The following ZBTB46 variants were observed in gnomAD, a reference collection of about 807,000 sequenced individuals.
ZBTB46 encodes the protein zinc finger and BTB domain containing 46.
ZBTB46 carries 8 observed loss-of-function variants against 44.1 expected under a neutral mutation model. That is an observed-to-expected ratio of 0.18 (90% CI 0.11 to 0.33). The LOEUF (loss-of-function observed/expected upper bound fraction) is 0.33. ZBTB46 is among the 10% of genes least tolerant of loss of function. The probability of loss-of-function intolerance (pLI) is 1.00; values close to 1 mark genes in which losing one functional copy is unlikely to be tolerated. For missense variants in ZBTB46, 651 were observed against 847.7 expected (o/e 0.77, Z 2.88); for synonymous variants, 409 against 382.3 (o/e 1.07, Z -0.81).
intron 3 of ZBTB46, among the ~76,000 whole-genome samples, chr20:63,771,836 G>A (rs1379138267): frequency 6.6e-6 from 1 of 152,124 alleles, no homozygotes; most frequent in Non-Finnish European, 1.5e-5. Flanking sequence ...AACAGGCAGG[G>A]GCCACACAGG....
intron 1 of ZBTB46, among the ~76,000 whole-genome samples, chr20:63,800,595 C>T (rs567837515): frequency 6.6e-5 from 10 of 152,352 alleles, no homozygotes; most frequent in Non-Finnish European, 1.0e-4. Context: ...GGGCTGCGTG[C>T]GGCGCTTGCG....
At chr20:63,756,990 C>G (rs1028273279) in intron 3 of ZBTB46, among the ~76,000 whole-genome samples, 1 of 152,200 alleles carries the variant, frequency 6.6e-6, no homozygotes, top group South Asian at 2.1e-4. Flanking sequence ...TTGGGCATGC[C>G]CTGGCGGGGA....
intron 4 of ZBTB46, among the ~76,000 whole-genome samples, chr20:63,750,167 C>T (rs922761765): frequency 3.3e-5 from 5 of 152,346 alleles, no homozygotes; most frequent in African/African-American, 1.2e-4. Context: ...CGGGTCTCCA[C>T]GCTCTCAGGT....
At position 63,746,874 on chromosome 20, in the gene ZBTB46, GAC is replaced by G; in HGVS notation, c.*54_*55del. 1.1e-5 allele frequency: 16 copies of G among 1,445,936 alleles called. No homozygotes were observed. Among genetic ancestry groups the G allele is most frequent in the South Asian group, 4.3e-5 (3 of 69,062 alleles). 89.6% of individuals were successfully genotyped at this position (1,445,936 alleles called of 1,614,324 possible). A position where few individuals can be genotyped will look rare whatever the true frequency, so the allele number is the denominator to read the frequency against. The stretch of plus-strand genomic sequence containing the variant: ...CTGGCCCCGCAGTGGAGACCCACCG[GAC>G]ACACACACGGGTGGACGGAGCGAGG... On this transcript the variant is annotated 3_prime_UTR_variant, in exon 5 of 5. Transcript: ENST00000245663.
At chr20:63,800,941 C>T (rs1601500467) in intron 1 of ZBTB46, among the ~76,000 whole-genome samples, 1 of 152,266 alleles carries the variant, frequency 6.6e-6, no homozygotes, top group Non-Finnish European at 1.5e-5. Flanking sequence ...GACTGGCAGG[C>T]AGCTCCACCT....
At chr20:63,764,182 A>T (rs2092299708) in intron 3 of ZBTB46, among the ~76,000 whole-genome samples, 1 of 152,128 alleles carries the variant, frequency 6.6e-6, no homozygotes, top group Non-Finnish European at 1.5e-5. Context: ...CATGCCTGTG[A>T]TCCCAGCACT....
At chr20:63,793,313 T>C (rs1053819076) in intron 1 of ZBTB46, among the ~76,000 whole-genome samples, 1 of 143,444 alleles carries the variant, frequency 7.0e-6, no homozygotes, top group Non-Finnish European at 1.6e-5. Flanking sequence ...CGCCCAGTGG[T>C]TCTTGACCGG....
chr20:63,747,447 C>CAGG (rs2092109352), intron 4 of ZBTB46, 146 bp from the exon 5 acceptor site: 1 of 57,782 alleles, frequency 1.7e-5, no homozygotes, highest in Admixed American at 2.1e-4. Flanking sequence ...TGAGCAGGGC[C>CAGG]TGGTGGAGGT....
intron 3 of ZBTB46, among the ~76,000 whole-genome samples, chr20:63,773,497 C>T (rs1297231984): frequency 6.6e-6 from 1 of 152,124 alleles, no homozygotes; most frequent in Non-Finnish European, 1.5e-5. Context: ...TGCAAAGGAA[C>T]TGGGTGTGTT....
At chr20:63,748,879 A>G (rs954340121) in intron 4 of ZBTB46, among the ~76,000 whole-genome samples, 3 of 152,240 alleles carry the variant, frequency 2.0e-5, no homozygotes, top group Non-Finnish European at 4.4e-5. Context: ...AATGTGTGTC[A>G]TGGCGGAAGA....
At chr20:63,818,164 C>A (rs1156378635) in intron 1 of ZBTB46, among the ~76,000 whole-genome samples, 2 of 152,210 alleles carry the variant, frequency 1.3e-5, no homozygotes, top group South Asian at 4.1e-4. Flanking sequence ...CTGCAAGGGG[C>A]CCTTTGTAGA....
chr20:63,820,320 C>T (rs1215142406), intron 1 of ZBTB46, among the ~76,000 whole-genome samples: 1 of 151,968 alleles, frequency 6.6e-6, no homozygotes, highest in African/African-American at 2.4e-5. Flanking sequence ...AGGATGGTCT[C>T]GATCTCCTGA....
chr20:63,775,897 C>A lies in ZBTB46; in HGVS notation c.1003G>T (p.Ala335Ser), dbSNP rs771691203. Reference sequence around the variant, plus strand: ...CCCAGGAGACCCTCCTCCACCTGTGCATAGAGCTCGGCCCTCTCTCCTCGG... The same window carrying A: ...CCCAGGAGACCCTCCTCCACCTGTGAATAGAGCTCGGCCCTCTCTCCTCGG... The part of the protein sequence containing the change: ...DSRGERAELY[A>S]QVEEGLLGGE... The change falls in exon 3 of 5, where the codon GCA becomes TCA. Residue 335 changes from alanine (A) to serine (S), a missense_variant. By Grantham distance (99) the Ala-to-Ser change is moderately conservative (BLOSUM62 1). Transcript: ENST00000245663. 1.9e-6 allele frequency: 3 copies of A among 1,609,670 alleles called. No individual in the cohort carries two copies. Among genetic ancestry groups the A allele is most frequent in the Non-Finnish European group, 2.5e-6 (3 of 1,178,784 alleles).
chr20:63,784,744 T>C (rs1260183031), intron 2 of ZBTB46, among the ~76,000 whole-genome samples: 1 of 152,220 alleles, frequency 6.6e-6, no homozygotes, highest in Non-Finnish European at 1.5e-5. Context: ...TGAACTGCTG[T>C]AACTCAGAAA....
At chr20:63,802,554 T>C (rs1407767183) in intron 1 of ZBTB46, among the ~76,000 whole-genome samples, 1 of 151,744 alleles carries the variant, frequency 6.6e-6, no homozygotes, top group African/African-American at 2.4e-5. Flanking sequence ...GAGAGAGGCC[T>C]GGAGCAGACC....
At chr20:63,774,984 T>G (rs1268299808) in intron 3 of ZBTB46, among the ~76,000 whole-genome samples, 2 of 152,102 alleles carry the variant, frequency 1.3e-5, no homozygotes, top group Non-Finnish European at 1.5e-5. Context: ...ATTGCAGGCG[T>G]GAGCCACCGC....
intron 1 of ZBTB46, chr20:63,814,823 A>C (rs2092738889): frequency 6.5e-6 from 1 of 152,694 alleles, no homozygotes. Context: ...TTACTACCTC[A>C]CAAATCAAAC....
chr20:63,788,609 T>A (rs1016165960), intron 2 of ZBTB46, among the ~76,000 whole-genome samples: 9 of 151,796 alleles, frequency 5.9e-5, no homozygotes, highest in Non-Finnish European at 1.2e-4. Context: ...GAGGCTGAGG[T>A]GGGTGGATCA....
chr20:63,831,901 C>T (rs1384193097), upstream of ZBTB46, among the ~76,000 whole-genome samples: 1 of 151,944 alleles, frequency 6.6e-6, no homozygotes, highest in Non-Finnish European at 1.5e-5. Flanking sequence ...CAAGGAAGGC[C>T]GCCCGGGGTG....
Sources: gnomAD v4.1 joint callset for allele counts (sites outside exome capture counted in the v4.1 genomes callset) on GRCh38, gnomAD v4.1.1 for gene constraint, MANE v1.5 for transcripts, NCBI Gene and HGNC (gene_info 2026-07-23, HGNC 2026-07-21) for gene names.